Variants in SNTG1 observed in about 807,000 individuals in gnomAD.
The protein encoded by SNTG1 is gamma-1-syntrophin.
SNTG1 carries 39 observed loss-of-function variants against 74.7 expected under a neutral mutation model. The observed-to-expected ratio is 0.52, with a 90% CI of 0.40 to 0.68. SNTG1 has a LOEUF of 0.68. Among genes scored for constraint, SNTG1 ranks in the 30% least tolerant of loss-of-function variants. The pLI is 0.00. For missense variants in SNTG1, 685 were observed against 609.5 expected, an observed-to-expected ratio of 1.12 and a Z score of -1.30; for synonymous variants, 254 against 217.1, an observed-to-expected ratio of 1.17 and a Z score of -1.49.
chr8:50,399,600 C>T (rs545883225), intron 3 of SNTG1, among the ~76,000 whole-genome samples: 1 of 152,194 alleles, frequency 6.6e-6, no homozygotes, highest in South Asian at 2.1e-4. Flanking sequence ...AAAAAATGTC[C>T]TGGAATATAC....
At chr8:50,382,651 T>A (rs551676994) in intron 2 of SNTG1, among the ~76,000 whole-genome samples, 71 of 152,264 alleles carry the variant, frequency 4.7e-4, no homozygotes, top group Non-Finnish European at 4.6e-4. Flanking sequence ...TCAATTTTTT[T>A]AAAAAAGAAA....
intron 1 of SNTG1, among the ~76,000 whole-genome samples, chr8:50,002,341 T>G (rs975601449): frequency 4.6e-5 from 7 of 152,168 alleles, no homozygotes; most frequent in Admixed American, 1.3e-4. Context: ...TACCTTGTGA[T>G]CTTCTAGAAG....
At chr8:50,216,910 T>G (rs2084815678) in intron 2 of SNTG1, among the ~76,000 whole-genome samples, 1 of 151,990 alleles carries the variant, frequency 6.6e-6, no homozygotes, top group South Asian at 2.1e-4. Flanking sequence ...CATCAGAGAC[T>G]AGTCAACATA....
chr8:49,983,970 G>A (rs1221198464), intron 1 of SNTG1, among the ~76,000 whole-genome samples: 1 of 152,110 alleles, frequency 6.6e-6, no homozygotes, highest in Non-Finnish European at 1.5e-5. Flanking sequence ...ATTACTCTGA[G>A]GCACAATTCT....
At chr8:50,386,718 A>T (rs1274585303) in intron 2 of SNTG1, among the ~76,000 whole-genome samples, 20 of 150,580 alleles carry the variant, frequency 1.3e-4, no homozygotes, top group Non-Finnish European at 1.0e-4. Context: ...GAAGCAAGAG[A>T]GAAAGAAGGG....
intron 4 of SNTG1, among the ~76,000 whole-genome samples, chr8:50,426,664 TA>T (rs1309716419): frequency 6.6e-6 from 1 of 151,968 alleles, no homozygotes; most frequent in Non-Finnish European, 1.5e-5. Flanking sequence ...TATTTTAAAA[TA>T]AATTTAGTAT....
At chr8:50,578,974 C>T (rs2094592961) in intron 12 of SNTG1, among the ~76,000 whole-genome samples, 1 of 152,070 alleles carries the variant, frequency 6.6e-6, no homozygotes, top group South Asian at 2.1e-4. Context: ...CCAGTTAGAG[C>T]TTGGAACAGT....
At chr8:50,171,410 T>C (rs115766214) in intron 1 of SNTG1, among the ~76,000 whole-genome samples, 2,549 of 152,152 alleles carry the variant, frequency 0.017, 67 homozygotes, top group African/African-American at 0.052. Context: ...GAGAAATATG[T>C]AGGCTGGGCC....
chr8:50,388,134 A>G (rs147124339), intron 2 of SNTG1, among the ~76,000 whole-genome samples: 12 of 152,288 alleles, frequency 7.9e-5, no homozygotes, highest in African/African-American at 2.9e-4. Context: ...TAAGGGTATA[A>G]TCTAAGACAG....
intron 2 of SNTG1, among the ~76,000 whole-genome samples, chr8:50,228,805 A>G (rs969634462): frequency 6.6e-6 from 1 of 151,840 alleles, no homozygotes; most frequent in Admixed American, 6.6e-5. Flanking sequence ...GGAAAAGAAT[A>G]TAACTCACAA....
At position 50,402,267 on chromosome 8, in the gene SNTG1, C is replaced by G. The variant is rs186194921; in HGVS notation, c.85C>G (p.Leu29Val). ...TAACCAGGAGCCTTTCAAAGTGCGGCTGCACCTAGCCAAAGACATTTTGAT... is the reference window on the plus strand; with the variant it reads ...TAACCAGGAGCCTTTCAAAGTGCGGGTGCACCTAGCCAAAGACATTTTGAT... ...DGNQEPFKVR[L>V]HLAKDILMIQ... The change falls in exon 4 of 19, where the codon CTG (leucine) becomes GTG (valine). Residue 29 changes from leucine (L) to valine (V), a missense_variant. Coordinates refer to ENST00000642720, the MANE Select transcript of SNTG1 (RefSeq NM_018967.5). 1.6e-5 allele frequency: 26 copies of G among 1,613,674 alleles called. No homozygotes were observed. Among genetic ancestry groups the G allele is most frequent in the Non-Finnish European group, 2.1e-5 (25 of 1,179,916 alleles).
intron 1 of SNTG1, among the ~76,000 whole-genome samples, chr8:50,065,247 TA>T (rs1260557210): frequency 6.6e-6 from 1 of 152,226 alleles, no homozygotes; most frequent in African/African-American, 2.4e-5. Flanking sequence ...GAATTTACTG[TA>T]ATTAGGAAAT....
intron 2 of SNTG1, among the ~76,000 whole-genome samples, chr8:50,197,455 CTCTA>C (rs1335906760): frequency 6.6e-6 from 1 of 152,072 alleles, no homozygotes; most frequent in Non-Finnish European, 1.5e-5. Flanking sequence ...TGCACCTTTT[CTCTA>C]TCTTTTAGTT....
At chr8:50,368,641 T>G (rs1207476998) in intron 2 of SNTG1, among the ~76,000 whole-genome samples, 3 of 151,950 alleles carry the variant, frequency 2.0e-5, no homozygotes, top group Admixed American at 1.3e-4. Context: ...GCAGGACAGA[T>G]TAAGGAAAAG....
chr8:50,140,707 C>T (rs2081627325), intron 1 of SNTG1, among the ~76,000 whole-genome samples: 2 of 152,096 alleles, frequency 1.3e-5, no homozygotes, highest in South Asian at 4.1e-4. Context: ...CCTCACTTGT[C>T]TTTCATTTTA....
In SNTG1 at chr8:50,412,703, G is replaced by A. The variant is rs573313947; in HGVS notation, c.162+10359G>A. Among the ~76,000 whole-genome samples the A allele has an allele frequency of 3.3e-5, 5 of 152,268 alleles. No individual in the cohort carries two copies. The East Asian group carries it at 9.7e-4, about 29-fold the overall frequency. On this transcript the variant is annotated intron_variant, in intron 4 of 18. Transcript: ENST00000642720. ...TTAAATAGCAGGTAGAATTTTGCGG[G>A]ATATATGTAATTTTGCAAGACATAT...
chr8:50,200,994 G>A (rs1196341359), intron 2 of SNTG1, among the ~76,000 whole-genome samples: 1 of 151,870 alleles, frequency 6.6e-6, no homozygotes, highest in Non-Finnish European at 1.5e-5. Context: ...TCAAAGGAGG[G>A]GCTCATTCAT....
intron 1 of SNTG1, among the ~76,000 whole-genome samples, chr8:50,102,831 G>T (rs1399194215): frequency 6.0e-5 from 9 of 148,874 alleles, no homozygotes; most frequent in African/African-American, 1.5e-4. Flanking sequence ...TTTCCCCATT[G>T]CTTGTTTTTG....
chr8:50,052,790 T>G, intron 1 of SNTG1, among the ~76,000 whole-genome samples: 1 of 152,138 alleles, frequency 6.6e-6, no homozygotes, highest in East Asian at 1.9e-4. Context: ...GAAACACATA[T>G]GCACCATATG....
Sources: gnomAD v4.1 joint callset for allele counts (sites outside exome capture counted in the v4.1 genomes callset) on GRCh38, gnomAD v4.1.1 for gene constraint, MANE v1.5 for transcripts, NCBI Gene and HGNC (gene_info 2026-07-23, HGNC 2026-07-21) for gene names.